Variants in NIPSNAP1 observed in about 807,000 individuals in gnomAD.
The protein encoded by NIPSNAP1 is protein NipSnap homolog 1.
In NIPSNAP1, 25 loss-of-function variants were observed where a neutral mutation model predicts 49.2. The ratio of observed to expected loss-of-function variants is 0.51; its 90% CI spans 0.37 to 0.71. The LOEUF is 0.71. Among genes scored for constraint, NIPSNAP1 ranks in the 30% least tolerant of loss-of-function variants. NIPSNAP1 has a pLI of 0.00. For missense variants in NIPSNAP1, 294 were observed against 361.0 expected (o/e 0.81, Z 1.50); for synonymous variants, 143 against 140.7 (o/e 1.02, Z -0.12).
At chr22:29,569,586 TG>T (rs960387285) in intron 3 of NIPSNAP1, among the ~76,000 whole-genome samples, 1 of 151,490 alleles carries the variant, frequency 6.6e-6, no homozygotes, top group African/African-American at 2.4e-5. Context: ...CTTTTTTGTG[TG>T]TGAGACAGAG....
intron 5 of NIPSNAP1, 28 bp downstream of exon 5, chr22:29,561,764 G>T: frequency 6.2e-7 from 1 of 1,613,532 alleles, no homozygotes. Flanking sequence ...CACATCCAGA[G>T]AGGTGTGCTG....
At chr22:29,558,825 C>T (rs1338213342) in intron 9 of NIPSNAP1, 45 bp downstream of exon 9, 1 of 1,407,144 alleles carries the variant, frequency 7.1e-7, no homozygotes, top group Admixed American at 1.7e-5. Context: ...GGATTCCATC[C>T]TCAGACAGGG....
At chr22:29,572,113 C>T (rs2064412518) in intron 1 of NIPSNAP1, among the ~76,000 whole-genome samples, 1 of 151,740 alleles carries the variant, frequency 6.6e-6, no homozygotes, top group East Asian at 2.0e-4. Context: ...GACCAGCCTG[C>T]CCAGCATGGC....
At chr22:29,569,796 C>T (rs1472163667) in intron 3 of NIPSNAP1, 4 of 357,618 alleles carry the variant, frequency 1.1e-5, no homozygotes, top group East Asian at 7.1e-5. Flanking sequence ...TGCGACCAGC[C>T]GGACTAACAT....
At chr22:29,570,599 G>A in intron 1 of NIPSNAP1, 67 bp from the exon 2 acceptor site, 1 of 1,569,954 alleles carries the variant, frequency 6.4e-7, no homozygotes, top group Non-Finnish European at 8.6e-7. Context: ...CCATCCACTT[G>A]GATGTCCTGC....
chr22:29,560,644 A>G (rs192492302), intron 8 of NIPSNAP1, 90 bp downstream of exon 8: 3 of 980,898 alleles, frequency 3.1e-6, no homozygotes, highest in African/African-American at 1.6e-5. Flanking sequence ...ATTAAGTTCT[A>G]TGAGGACACT....
chr22:29,556,677 A>G (rs2064296823), intron 9 of NIPSNAP1, among the ~76,000 whole-genome samples: 2 of 152,242 alleles, frequency 1.3e-5, no homozygotes, highest in African/African-American at 4.8e-5. Context: ...GTGCATACAA[A>G]TCACTTGGCA....
intron 4 of NIPSNAP1, among the ~76,000 whole-genome samples, chr22:29,565,150 A>T (rs528221442): frequency 5.0e-4 from 76 of 152,100 alleles, no homozygotes; most frequent in Non-Finnish European, 2.9e-5. Context: ...GTTACAGTGA[A>T]CTATGATCAT....
At chr22:29,563,808 A>G (rs2064352319) in intron 4 of NIPSNAP1, among the ~76,000 whole-genome samples, 1 of 152,204 alleles carries the variant, frequency 6.6e-6, no homozygotes, top group South Asian at 2.1e-4. Flanking sequence ...GGAGGCAGAG[A>G]TTAGAATGAC....
intron 4 of NIPSNAP1, among the ~76,000 whole-genome samples, chr22:29,565,195 C>T (rs2064360966): frequency 6.6e-6 from 1 of 151,540 alleles, no homozygotes; most frequent in Non-Finnish European, 1.5e-5. Context: ...CAGAGCGAGA[C>T]CCTGTCCCAA....
intron 9 of NIPSNAP1, 70 bp downstream of exon 9, chr22:29,558,800 A>C: frequency 8.8e-7 from 1 of 1,134,332 alleles, no homozygotes. Context: ...GAAAGACTAG[A>C]TCTCCTTGCA....
rs184333617 is a variant in NIPSNAP1, at chr22:29,572,882, C to T, written c.99-2350G>A. Among the ~76,000 whole-genome samples the T allele has an allele frequency of 1.1e-3, 169 of 151,602 alleles. 1 individual carries two copies. Among genetic ancestry groups the T allele is most frequent in the African/African-American group, 3.8e-3 (159 of 41,302 alleles). On this transcript the variant is annotated intron_variant, in intron 1 of 9. Transcript: ENST00000216121. Reference sequence around the variant, plus strand: ...CCTGTAGTCTCAGCCACTTGAGAGACTTAGGAGGATCGCATGAAGCCCAGG... The same window carrying T: ...CCTGTAGTCTCAGCCACTTGAGAGATTTAGGAGGATCGCATGAAGCCCAGG...
intron 4 of NIPSNAP1, chr22:29,564,192 C>A: frequency 2.6e-6 from 1 of 385,446 alleles, no homozygotes; most frequent in South Asian, 2.0e-5. Context: ...AGTCTAGAAA[C>A]TCAGACTCTG....
intron 1 of NIPSNAP1, among the ~76,000 whole-genome samples, chr22:29,580,422 C>T (rs899237908): frequency 2.0e-5 from 3 of 152,212 alleles, no homozygotes; most frequent in African/African-American, 2.4e-5. Flanking sequence ...AAGTGCATGG[C>T]GCATTGGCAG....
intron 1 of NIPSNAP1, among the ~76,000 whole-genome samples, chr22:29,575,246 T>C (rs969028448): frequency 1.3e-5 from 2 of 152,046 alleles, no homozygotes; most frequent in African/African-American, 4.8e-5. Flanking sequence ...CCAAGATAAA[T>C]ATCAGTCAAA....
chr22:29,581,065 G>A lies in NIPSNAP1; in HGVS notation c.18C>T (p.Cys6=). 1 of 1,541,650 alleles carries A rather than the reference G, an allele frequency of 6.5e-7. No individual in the cohort carries two copies. Among genetic ancestry groups the A allele is most frequent in the Non-Finnish European group, 8.7e-7 (1 of 1,146,088 alleles). The change falls in exon 1 of 10, where the codon TGC becomes TGT. Residue 6 remains cysteine, a synonymous_variant. Coordinates refer to ENST00000216121, the MANE Select transcript of NIPSNAP1 (RefSeq NM_003634.4). Reference sequence around the variant, plus strand: ...GCCGCCGCGCCGTCACAGAGATGCTGCACAGCCGCGGAGCCATGTTGGAGC... The same window carrying A: ...GCCGCCGCGCCGTCACAGAGATGCTACACAGCCGCGGAGCCATGTTGGAGC... MAPRL[C]SISVTARRLL... is the part of the protein sequence containing the mutation.
At chr22:29,570,568 G>A (rs1466369578) in intron 1 of NIPSNAP1, 36 bp from the exon 2 acceptor site, 1 of 1,601,420 alleles carries the variant, frequency 6.2e-7, no homozygotes, top group Non-Finnish European at 8.5e-7. Flanking sequence ...ACGCGCGGAG[G>A]TTGGGGGAGC....
intron 4 of NIPSNAP1, among the ~76,000 whole-genome samples, chr22:29,562,517 C>T (rs1240749359): frequency 1.3e-5 from 2 of 152,112 alleles, no homozygotes; most frequent in Non-Finnish European, 2.9e-5. Flanking sequence ...CATGGAAAAA[C>T]CCCATCTCTA....
chr22:29,555,723 G>A lies in NIPSNAP1; in HGVS notation c.*212C>T, dbSNP rs1197948277. ...AAATCAGAAACTACTTCTAGCAGGG[G>A]GAGGGAGGCAGGCAGGGAAAGTAGA... On this transcript the variant is annotated 3_prime_UTR_variant, in exon 10 of 10. Coordinates refer to ENST00000216121, the MANE Select transcript of NIPSNAP1 (RefSeq NM_003634.4). 1 of 591,648 alleles carries A rather than the reference G, an allele frequency of 1.7e-6. No individual in the cohort carries two copies. 36.6% of individuals were successfully genotyped at this position (591,648 alleles called of 1,614,324 possible).
Sources: allele counts gnomAD v4.1 joint callset (sites outside exome capture counted in the v4.1 genomes callset), GRCh38; gene constraint gnomAD v4.1.1; transcripts MANE v1.5; gene names NCBI Gene and HGNC (gene_info 2026-07-23, HGNC 2026-07-21).